Variants in CEP85L observed in about 807,000 individuals in gnomAD.
The protein encoded by CEP85L is centrosomal protein of 85 kDa-like.
Under a neutral mutation model 100.3 loss-of-function variants are expected in CEP85L, and 60 were observed. The ratio of observed to expected loss-of-function variants is 0.60; its 90% CI spans 0.49 to 0.74. CEP85L has a LOEUF of 0.74. Among genes scored for constraint, CEP85L ranks in the 30% least tolerant of loss-of-function variants. The pLI, the probability that CEP85L is intolerant of heterozygous loss-of-function variation, is 0.00. For missense variants in CEP85L, 973 were observed against 936.2 expected, an observed-to-expected ratio of 1.04 and a Z score of -0.51; for synonymous variants, 319 against 322.7, an observed-to-expected ratio of 0.99 and a Z score of 0.12.
chr6:118,470,900 GT>G (rs1479949884), intron 10 of CEP85L, among the ~76,000 whole-genome samples: 8 of 152,074 alleles, frequency 5.3e-5, no homozygotes, highest in Non-Finnish European at 8.8e-5. Context: ...TACCAAGGAA[GT>G]TTTTAATTTG....
chr6:118,562,149 T>C (rs1040065676), intron 3 of CEP85L, among the ~76,000 whole-genome samples: 7 of 152,174 alleles, frequency 4.6e-5, no homozygotes, highest in African/African-American at 9.7e-5. Context: ...GGGAGTGTCA[T>C]AGTGTTCACA....
At chr6:118,600,370 T>TGCGTGG (rs58066356) in intron 2 of CEP85L, among the ~76,000 whole-genome samples, 6 of 86,442 alleles carry the variant, frequency 6.9e-5, no homozygotes, top group Non-Finnish European at 1.3e-4. Flanking sequence ...TGTGTGTGTG[T>TGCGTGG]AACGCCATGG....
intron 3 of CEP85L, among the ~76,000 whole-genome samples, chr6:118,553,602 A>C (rs1778678147): frequency 6.6e-6 from 1 of 152,242 alleles, no homozygotes; most frequent in South Asian, 2.1e-4. Context: ...GGATTATGGC[A>C]TATTTCTAAA....
Position 118,566,295 on chromosome 6 carries a change from G to A in CEP85L, c.254C>T (p.Thr85Ile). The A allele has an allele frequency of 6.2e-7, 1 of 1,613,006 alleles. No homozygotes were observed. The highest frequency in any genetic ancestry group is 8.5e-7 in the Non-Finnish European group (1 of 1,179,580). The change falls in exon 3 of 13, where the codon ACA becomes ATA. Residue 85 changes from threonine to isoleucine, a missense_variant. Coordinates refer to ENST00000368491, the MANE Select transcript of CEP85L (RefSeq NM_001042475.3). The part of the protein sequence containing the change: ...SVEDHSTSSG[T>I]LSFKPSQSLI... Reference sequence around the variant, plus strand: ...TGATTGACTAGGCTTAAAAGATAATGTGCCACTTGAAGTTGAATGATCTGG... The same window carrying A: ...TGATTGACTAGGCTTAAAAGATAATATGCCACTTGAAGTTGAATGATCTGG...
chr6:118,567,205 A>ATGTG (rs1779563408), intron 2 of CEP85L, among the ~76,000 whole-genome samples: 1 of 77,238 alleles, frequency 1.3e-5, no homozygotes, highest in African/African-American at 4.8e-5. Context: ...ATGAATATAT[A>ATGTG]TGTATGTGTG....
At chr6:118,569,457 T>A (rs534246207) in intron 2 of CEP85L, among the ~76,000 whole-genome samples, 1 of 148,084 alleles carries the variant, frequency 6.8e-6, no homozygotes, top group South Asian at 2.1e-4. Context: ...ACTTAAAGTA[T>A]AATAAAAATA....
At chr6:118,581,638 A>G (rs531656091) in intron 2 of CEP85L, among the ~76,000 whole-genome samples, 34 of 152,152 alleles carry the variant, frequency 2.2e-4, no homozygotes, top group Non-Finnish European at 4.4e-4. Flanking sequence ...TAGTTAGAGG[A>G]ATGCCCCCTA....
chr6:118,701,835 A>G (rs1019310156), intron 1 of CEP85L, among the ~76,000 whole-genome samples: 5 of 152,192 alleles, frequency 3.3e-5, no homozygotes, highest in African/African-American at 4.8e-5. Flanking sequence ...AGGGAGAAGA[A>G]ATTCACATGA....
In CEP85L at chr6:118,483,826, C is replaced by G. The variant is rs374188813; in HGVS notation, c.1470G>C (p.Leu490=). 18 of 1,613,644 alleles carry G rather than the reference C, an allele frequency of 1.1e-5. No individual in the cohort carries two copies. In the African/African-American group the frequency reaches 1.9e-4, roughly 17 times the overall value. Residue 490 remains leucine, a synonymous_variant, in exon 7 of 13, where the codon CTG becomes CTC. Coordinates refer to ENST00000368491, the MANE Select transcript of CEP85L (RefSeq NM_001042475.3). ...CAGATTCCTTCTGGCATTTCTTTTT[C>G]AGACTACTGATGTATCGATCTCTAG... ...LKTRDRYISS[L]KKKCQKESEQ...
chr6:118,650,977 C>T (rs1442440734), intron 1 of CEP85L, among the ~76,000 whole-genome samples: 2 of 152,164 alleles, frequency 1.3e-5, no homozygotes, highest in Admixed American at 6.5e-5. Context: ...CAAGGAGGAG[C>T]GGCGGGGACG....
chr6:118,672,730 C>A (rs1451145142), intron 1 of CEP85L, among the ~76,000 whole-genome samples: 1 of 151,938 alleles, frequency 6.6e-6, no homozygotes, highest in Non-Finnish European at 1.5e-5. Context: ...CGTGTCTCTG[C>A]ACTCCAACCT....
At chr6:118,492,801 G>A (rs561636665) in intron 5 of CEP85L, among the ~76,000 whole-genome samples, 169 of 152,250 alleles carry the variant, frequency 1.1e-3, no homozygotes, top group African/African-American at 3.9e-3. Context: ...AAAAGACAAT[G>A]AAACTAAGTG....
At chr6:118,552,584 G>T (rs1444622993) in intron 3 of CEP85L, among the ~76,000 whole-genome samples, 1 of 151,602 alleles carries the variant, frequency 6.6e-6, no homozygotes, top group Non-Finnish European at 1.5e-5. Flanking sequence ...TTAGTCAAAA[G>T]ATTAGAGTTG....
At chr6:118,602,695 C>T (rs145703019) in intron 2 of CEP85L, among the ~76,000 whole-genome samples, 160 of 152,210 alleles carry the variant, frequency 1.1e-3, no homozygotes, top group African/African-American at 3.2e-3. Flanking sequence ...ATGGTAAGAC[C>T]GATATGCTTT....
intron 5 of CEP85L, among the ~76,000 whole-genome samples, chr6:118,510,287 A>G (rs925741941): frequency 6.6e-6 from 1 of 152,132 alleles, no homozygotes; most frequent in Non-Finnish European, 1.5e-5. Context: ...TAATATAAAC[A>G]AAATATTGAG....
At position 118,546,345 on chromosome 6, in the gene CEP85L, CAT is replaced by C. The variant is rs1312399814; in HGVS notation, c.1020+19182_1020+19183del. ...TATACTTTTTAAGTAAACTTATAAACATGTGGTAACTAGGGCATATTTTATTC... is the reference window on the plus strand; with the variant it reads ...TATACTTTTTAAGTAAACTTATAAACGTGGTAACTAGGGCATATTTTATTC... On this transcript the variant is annotated intron_variant, in intron 3 of 12. Coordinates refer to ENST00000368491, the MANE Select transcript of CEP85L (RefSeq NM_001042475.3). Among the ~76,000 whole-genome samples the C allele has an allele frequency of 4.6e-5, 7 of 152,224 alleles. No individual in the cohort carries two copies. The South Asian group carries it at 8.3e-4, about 18-fold the overall frequency.
chr6:118,622,319 A>C (rs1773501621), intron 2 of CEP85L, among the ~76,000 whole-genome samples: 1 of 152,224 alleles, frequency 6.6e-6, no homozygotes, highest in African/African-American at 2.4e-5. Flanking sequence ...AGTGTTTCAA[A>C]TATGCACATG....
At chr6:118,479,742 C>A in intron 10 of CEP85L, 129 bp downstream of exon 10, 2 of 452,628 alleles carry the variant, frequency 4.4e-6, no homozygotes, top group Non-Finnish European at 7.8e-6. Context: ...GAATTTGCAA[C>A]TTTACCTCAG....
In CEP85L at chr6:118,630,584, T is replaced by C. The variant is rs553452232; in HGVS notation, c.232+1869A>G. Among the ~76,000 whole-genome samples, 33 of 152,256 alleles carry C rather than the reference T, an allele frequency of 2.2e-4. 1 individual carries two copies. The highest frequency in any genetic ancestry group is 2.2e-3 in the Admixed American group (33 of 15,298). On this transcript the variant is annotated intron_variant, in intron 2 of 12. Coordinates refer to ENST00000368491, the MANE Select transcript of CEP85L (RefSeq NM_001042475.3). ...GATAAACTGTGGTACATCCAGACAA[T>C]GGGATATTACTCAGCACTAAAAGCA...
Sources: gnomAD v4.1 joint callset for allele counts (sites outside exome capture counted in the v4.1 genomes callset) on GRCh38, gnomAD v4.1.1 for gene constraint, MANE v1.5 for transcripts, NCBI Gene and HGNC (gene_info 2026-07-23, HGNC 2026-07-21) for gene names.